Variants in TENM3 observed in about 807,000 individuals in gnomAD.
TENM3 encodes the protein teneurin transmembrane protein 3, also known as teneurin-3.
In TENM3, 63 loss-of-function variants were observed where a neutral mutation model predicts 255.1. That is an observed-to-expected ratio of 0.25 (90% CI 0.20 to 0.30). The LOEUF is 0.30. TENM3 is among the 10% of genes least tolerant of loss of function. TENM3 has a pLI of 1.00. For missense variants in TENM3, 2,929 were observed against 3,461.1 expected, an observed-to-expected ratio of 0.85 and a Z score of 3.86; for synonymous variants, 1,306 against 1,322.3, an observed-to-expected ratio of 0.99 and a Z score of 0.27.
intron 12 of TENM3, among the ~76,000 whole-genome samples, chr4:182,696,449 G>A (rs1041433975): frequency 3.3e-5 from 5 of 152,130 alleles, no homozygotes; most frequent in Non-Finnish European, 7.4e-5. Flanking sequence ...ATATGGGGCC[G>A]GGCACAGTGG....
At chr4:182,700,856 A>G (rs1459760752) in intron 12 of TENM3, among the ~76,000 whole-genome samples, 1 of 152,140 alleles carries the variant, frequency 6.6e-6, no homozygotes, top group Admixed American at 6.5e-5. Context: ...GGTAATCTAC[A>G]TTGCAAATTG....
Position 182,792,687 on chromosome 4 carries a change from C to A in TENM3, c.6015C>A (p.Phe2005Leu). 1 of 1,613,954 alleles carries A rather than the reference C, an allele frequency of 6.2e-7. No homozygotes were observed. Among genetic ancestry groups the A allele is most frequent in the Non-Finnish European group, 8.5e-7 (1 of 1,179,896 alleles). Residue 2005 changes from phenylalanine (F) to leucine (L), a missense_variant, in exon 26 of 28, where the codon TTC becomes TTA. Phe to Leu is a conservative substitution (Grantham distance 22, BLOSUM62 0). Transcript: ENST00000511685. The surrounding 1 kb of genome is among the most constrained non-coding windows in gnomAD (Gnocchi z 6.3). ...GTCCCCTGATTGACAGGCAGATTTT[C>A]CGCTTTAGTGAAGATGGGATGGTAA... ...QIGPLIDRQI[F>L]RFSEDGMVNA...
the TENM3 span, among the ~76,000 whole-genome samples, chr4:181,969,056 CACAA>C: frequency 1.3e-5 from 2 of 151,770 alleles, no homozygotes; most frequent in Admixed American, 6.6e-5. Flanking sequence ...TTCCCCCATA[CACAA>C]ACACACACAC....
intron 4 of TENM3, among the ~76,000 whole-genome samples, chr4:182,623,561 A>G (rs1008147158): frequency 1.3e-5 from 2 of 151,584 alleles, no homozygotes; most frequent in Non-Finnish European, 2.9e-5. Context: ...TCGACTCCTG[A>G]GCTTGTGATC....
chr4:182,179,691 C>A (rs750112573), intron 1 of TENM3, among the ~76,000 whole-genome samples: 2 of 152,158 alleles, frequency 1.3e-5, no homozygotes, highest in African/African-American at 2.4e-5. Context: ...TTTACTTAAT[C>A]CTTTGATTCA....
the TENM3 span, among the ~76,000 whole-genome samples, chr4:181,929,704 C>T: frequency 1.3e-5 from 2 of 152,206 alleles, no homozygotes; most frequent in Non-Finnish European, 2.9e-5. Context: ...ACAGAACTCT[C>T]CACCTCAAAT....
chr4:182,511,941 A>C (rs1447276614), intron 3 of TENM3, among the ~76,000 whole-genome samples: 1 of 152,172 alleles, frequency 6.6e-6, no homozygotes, highest in African/African-American at 2.4e-5. Flanking sequence ...AATAAACTAG[A>C]CTATTAGAAA....
the TENM3 span, among the ~76,000 whole-genome samples, chr4:181,707,466 T>A: frequency 6.6e-6 from 1 of 152,168 alleles, no homozygotes; most frequent in African/African-American, 2.4e-5. Flanking sequence ...TAATCTAGAA[T>A]TATTGATAAC....
chr4:181,505,918 G>A, the TENM3 span, among the ~76,000 whole-genome samples: 1 of 152,104 alleles, frequency 6.6e-6, no homozygotes, highest in Middle Eastern at 3.2e-3. Flanking sequence ...CTGGATTTGT[G>A]TGACACTAAA....
the TENM3 span, among the ~76,000 whole-genome samples, chr4:181,478,916 T>C: frequency 6.6e-6 from 1 of 152,166 alleles, no homozygotes; most frequent in Non-Finnish European, 1.5e-5. Context: ...TAATCTAAAA[T>C]AACAAAATAG....
intron 3 of TENM3, among the ~76,000 whole-genome samples, chr4:182,390,955 A>C (rs1456051999): frequency 1.3e-5 from 2 of 152,208 alleles, no homozygotes; most frequent in African/African-American, 4.8e-5. Flanking sequence ...AATCGTGCAC[A>C]TGGGAGATGC....
the TENM3 span, among the ~76,000 whole-genome samples, chr4:181,594,949 A>G: frequency 0.071 from 10,875 of 152,106 alleles, 1,341 homozygotes; most frequent in African/African-American, 0.25. Flanking sequence ...CTCTTTGTTT[A>G]TGGTAGAATT....
At chr4:182,286,319 T>C (rs1200474841) in intron 1 of TENM3, among the ~76,000 whole-genome samples, 1 of 152,194 alleles carries the variant, frequency 6.6e-6, no homozygotes, top group African/African-American at 2.4e-5. Context: ...TTTTCCCTTC[T>C]CAGATAAGCC....
At chr4:181,686,607 T>C in the TENM3 span, among the ~76,000 whole-genome samples, 1 of 152,102 alleles carries the variant, frequency 6.6e-6, no homozygotes, top group Non-Finnish European at 1.5e-5. Context: ...TCTTCAAAGA[T>C]TTACAGTTTA....
chr4:181,505,324 A>G, the TENM3 span, among the ~76,000 whole-genome samples: 1 of 152,204 alleles, frequency 6.6e-6, no homozygotes, highest in Non-Finnish European at 1.5e-5. Context: ...ATAATTGCAA[A>G]TATGTTTTTA....
At chr4:182,255,645 G>A (rs1758340917) in intron 1 of TENM3, among the ~76,000 whole-genome samples, 1 of 152,182 alleles carries the variant, frequency 6.6e-6, no homozygotes, top group Admixed American at 6.5e-5. Flanking sequence ...CAGTGTGTGT[G>A]TCCCTGGGAT....
the TENM3 span, among the ~76,000 whole-genome samples, chr4:181,448,215 GGAGT>G: frequency 7.5e-6 from 1 of 132,788 alleles, no homozygotes; most frequent in East Asian, 2.3e-4. Flanking sequence ...CGCCCAGGCT[GGAGT>G]GCAGTGGCGC....
the TENM3 span, among the ~76,000 whole-genome samples, chr4:181,769,130 G>A: frequency 5.3e-5 from 8 of 152,050 alleles, no homozygotes; most frequent in African/African-American, 9.7e-5. Context: ...TAAGGGGGTC[G>A]TTTAAGTCAG....
At chr4:181,626,001 A>AATC in the TENM3 span, among the ~76,000 whole-genome samples, 1,246 of 152,318 alleles carry the variant, frequency 8.2e-3, 20 homozygotes, top group African/African-American at 0.029. Context: ...GTGAATAACC[A>AATC]ATCTCATAGA....
Sources: allele counts gnomAD v4.1 joint callset (sites outside exome capture counted in the v4.1 genomes callset), GRCh38; gene constraint gnomAD v4.1.1; non-coding constraint Gnocchi (gnomAD v3.1); transcripts MANE v1.5; gene names NCBI Gene and HGNC (gene_info 2026-07-23, HGNC 2026-07-21).